NEK7: variants seen among roughly 807,000 people sequenced by gnomAD.
The protein encoded by NEK7 is NIMA related kinase 7, also known as serine/threonine-protein kinase Nek7.
A neutral mutation model predicts 44.6 loss-of-function variants in NEK7; 18 were observed. The ratio of observed to expected loss-of-function variants is 0.40; its 90% CI spans 0.28 to 0.60. NEK7 has a LOEUF of 0.60. Ranked by LOEUF, NEK7 falls within the 20% of genes least tolerant of loss-of-function variation. The probability of loss-of-function intolerance (pLI) is 0.38; values close to 1 mark genes in which losing one functional copy is unlikely to be tolerated. For missense variants in NEK7, 256 were observed against 366.5 expected (o/e 0.70, Z 2.46); for synonymous variants, 130 against 121.1 (o/e 1.07, Z -0.48).
intron 1 of NEK7, among the ~76,000 whole-genome samples, chr1:198,164,505 C>A (rs1650508118): frequency 6.6e-6 from 1 of 152,114 alleles, no homozygotes; most frequent in Non-Finnish European, 1.5e-5. Flanking sequence ...GTGAATCTTG[C>A]AATAAAGCGA....
At chr1:198,220,116 A>C (rs745344275) in intron 1 of NEK7, among the ~76,000 whole-genome samples, 2 of 151,844 alleles carry the variant, frequency 1.3e-5, no homozygotes, top group Non-Finnish European at 2.9e-5. Context: ...CCTTTTCACT[A>C]TTTATTAATT....
chr1:198,165,865 A>C (rs560425066), intron 1 of NEK7, among the ~76,000 whole-genome samples: 1 of 152,250 alleles, frequency 6.6e-6, no homozygotes, highest in East Asian at 1.9e-4. Context: ...TCTGTTGTTT[A>C]GTGTAGCCAC....
chr1:198,221,278 G>T (rs954508602), intron 1 of NEK7, among the ~76,000 whole-genome samples: 1 of 151,852 alleles, frequency 6.6e-6, no homozygotes, highest in Non-Finnish European at 1.5e-5. Context: ...AGAATCTATG[G>T]ATATTCTTGG....
intron 1 of NEK7, among the ~76,000 whole-genome samples, chr1:198,213,988 C>T (rs1352204198): frequency 6.6e-6 from 1 of 152,032 alleles, no homozygotes; most frequent in Non-Finnish European, 1.5e-5. Flanking sequence ...CTATTCTGGC[C>T]CCACAGGAGT....
chr1:198,200,723 G>A (rs1665405484), intron 1 of NEK7, among the ~76,000 whole-genome samples: 1 of 151,828 alleles, frequency 6.6e-6, no homozygotes, highest in Non-Finnish European at 1.5e-5. Flanking sequence ...GCTAATTTTT[G>A]TATTTTTAGT....
chr1:198,303,420 G>A (rs1316983162), intron 9 of NEK7, among the ~76,000 whole-genome samples: 3 of 151,046 alleles, frequency 2.0e-5, no homozygotes, highest in African/African-American at 7.3e-5. Context: ...GATTTTTAAG[G>A]GAGTTAAGTC....
chr1:198,185,177 G>T (rs2102753424), intron 1 of NEK7, among the ~76,000 whole-genome samples: 2 of 144,244 alleles, frequency 1.4e-5, no homozygotes, highest in East Asian at 2.1e-4. Context: ...TTACATAGTA[G>T]TACATGCTGT....
intron 1 of NEK7, among the ~76,000 whole-genome samples, chr1:198,200,389 G>T (rs535356608): frequency 6.6e-6 from 1 of 151,880 alleles, no homozygotes; most frequent in East Asian, 1.9e-4. Context: ...ACGAAAACTT[G>T]TTGAGGCTTT....
chr1:198,166,114 C>G (rs1182661647), intron 1 of NEK7, among the ~76,000 whole-genome samples: 1 of 152,230 alleles, frequency 6.6e-6, no homozygotes, highest in Non-Finnish European at 1.5e-5. Flanking sequence ...GGAAATGTGA[C>G]TGGTTTGATC....
At chr1:198,309,646 A>G (rs1221330216) in intron 9 of NEK7, among the ~76,000 whole-genome samples, 4 of 119,648 alleles carry the variant, frequency 3.3e-5, no homozygotes, top group African/African-American at 9.9e-5. Flanking sequence ...TCCTGTGTCC[A>G]TGTGTTCTCA....
At chr1:198,223,373 T>A (rs961465063) in intron 1 of NEK7, among the ~76,000 whole-genome samples, 1 of 152,158 alleles carries the variant, frequency 6.6e-6, no homozygotes, top group African/African-American at 2.4e-5. Context: ...ATGTGTTGGA[T>A]GTAGGGAGCA....
intron 1 of NEK7, among the ~76,000 whole-genome samples, chr1:198,199,674 T>G (rs948627967): frequency 2.6e-5 from 4 of 152,216 alleles, no homozygotes; most frequent in African/African-American, 9.6e-5. Flanking sequence ...ATCTATTATT[T>G]TTATGAAATA....
intron 1 of NEK7, among the ~76,000 whole-genome samples, chr1:198,174,158 A>T (rs1664531968): frequency 6.6e-6 from 1 of 152,230 alleles, no homozygotes; most frequent in African/African-American, 2.4e-5. Context: ...ATATAAAAAT[A>T]TATAACCAAT....
intron 1 of NEK7, among the ~76,000 whole-genome samples, chr1:198,205,685 A>G (rs530614823): frequency 6.6e-6 from 1 of 151,634 alleles, no homozygotes; most frequent in South Asian, 2.1e-4. Flanking sequence ...TTGCTTTCTC[A>G]TACACATCCT....
intron 1 of NEK7, among the ~76,000 whole-genome samples, chr1:198,203,033 A>C (rs926519372): frequency 1.3e-5 from 2 of 148,950 alleles, no homozygotes; most frequent in African/African-American, 4.9e-5. Context: ...CTTTTGGAGT[A>C]AAATAAAATA....
At chr1:198,240,696 G>A (rs74900142) in intron 2 of NEK7, among the ~76,000 whole-genome samples, 1 of 115,952 alleles carries the variant, frequency 8.6e-6, no homozygotes, top group African/African-American at 3.0e-5. Flanking sequence ...TAATTTTTTT[G>A]TTGTTGTTCT....
chr1:198,177,050 T>C (rs1018462148), intron 1 of NEK7, among the ~76,000 whole-genome samples: 2 of 152,148 alleles, frequency 1.3e-5, no homozygotes, highest in African/African-American at 4.8e-5. Context: ...GGACTTACCA[T>C]TAAAGGAAAC....
intron 1 of NEK7, among the ~76,000 whole-genome samples, chr1:198,226,494 G>A (rs958250406): frequency 2.1e-4 from 32 of 151,100 alleles, no homozygotes; most frequent in Non-Finnish European, 2.8e-4. Context: ...GCAGTGAGCC[G>A]AGATCACACC....
intron 7 of NEK7, among the ~76,000 whole-genome samples, chr1:198,290,985 C>G (rs1558097245): frequency 6.6e-6 from 1 of 152,110 alleles, no homozygotes; most frequent in Non-Finnish European, 1.5e-5. Flanking sequence ...TTCCTCTGCT[C>G]CCTTCACTTG....
Sources: allele counts gnomAD v4.1 joint callset (sites outside exome capture counted in the v4.1 genomes callset), GRCh38; gene constraint gnomAD v4.1.1; transcripts MANE v1.5; gene names NCBI Gene and HGNC (gene_info 2026-07-23, HGNC 2026-07-21).